The following CMTM8 variants were observed in gnomAD, a reference collection of about 807,000 sequenced individuals.
CMTM8 encodes CKLF-like MARVEL transmembrane domain-containing protein 8.
In CMTM8, 12 loss-of-function variants were observed where a neutral mutation model predicts 18.6. The observed-to-expected ratio is 0.65, with a 90% confidence interval of 0.41 to 1.05. The LOEUF (loss-of-function observed/expected upper bound fraction) is 1.05. Among genes scored for constraint, CMTM8 ranks in the 50% least tolerant of loss-of-function variants. The pLI is 0.00. For missense variants in CMTM8, 217 were observed against 227.2 expected (o/e 0.95, Z 0.29); for synonymous variants, 87 against 90.6 (o/e 0.96, Z 0.23).
chr3:32,318,469 G>T (rs1163541474), intron 1 of CMTM8, among the ~76,000 whole-genome samples: 2 of 152,064 alleles, frequency 1.3e-5, no homozygotes, highest in Non-Finnish European at 2.9e-5. Flanking sequence ...TTAGGTCTCA[G>T]GAATGGCTGG....
chr3:32,274,628 C>G (rs1702489642), intron 1 of CMTM8, among the ~76,000 whole-genome samples: 1 of 152,222 alleles, frequency 6.6e-6, no homozygotes. Flanking sequence ...CAAAAGTATT[C>G]TCCTGCATAA....
At chr3:32,244,847 A>C (rs1168012365) in intron 1 of CMTM8, among the ~76,000 whole-genome samples, 1 of 152,198 alleles carries the variant, frequency 6.6e-6, no homozygotes, top group African/African-American at 2.4e-5. Flanking sequence ...TGTTGGGCTA[A>C]AGGGTATATA....
intron 1 of CMTM8, among the ~76,000 whole-genome samples, chr3:32,327,345 G>C (rs1696182529): frequency 6.6e-6 from 1 of 152,160 alleles, no homozygotes; most frequent in Non-Finnish European, 1.5e-5. Flanking sequence ...GCTCACCTAG[G>C]TTTAAAAATG....
intron 1 of CMTM8, among the ~76,000 whole-genome samples, chr3:32,326,903 A>G (rs1696170092): frequency 6.6e-6 from 1 of 152,116 alleles, no homozygotes; most frequent in South Asian, 2.1e-4. Context: ...GAATCTCTCA[A>G]CATGTCTTGA....
chr3:32,360,376 A>C (rs1477117157), intron 2 of CMTM8, among the ~76,000 whole-genome samples: 1 of 152,226 alleles, frequency 6.6e-6, no homozygotes, highest in Non-Finnish European at 1.5e-5. Context: ...TGCTGGCAGA[A>C]GCTACAGGTC....
intron 1 of CMTM8, among the ~76,000 whole-genome samples, chr3:32,327,565 AT>A (rs1167231008): frequency 1.3e-5 from 2 of 152,156 alleles, no homozygotes; most frequent in Non-Finnish European, 2.9e-5. Context: ...GCAAAATTGG[AT>A]TTTTCTCAGT....
At chr3:32,243,257 G>A (rs903274869) in intron 1 of CMTM8, among the ~76,000 whole-genome samples, 2 of 151,876 alleles carry the variant, frequency 1.3e-5, no homozygotes, top group South Asian at 2.1e-4. Context: ...TTGGTCAGGC[G>A]TGGTGGTTCA....
At chr3:32,306,454 G>T (rs2125566310) in intron 1 of CMTM8, among the ~76,000 whole-genome samples, 1 of 152,344 alleles carries the variant, frequency 6.6e-6, no homozygotes, top group Non-Finnish European at 1.5e-5. Context: ...CAAAGGGATG[G>T]TTATAGGGAG....
intron 1 of CMTM8, among the ~76,000 whole-genome samples, chr3:32,332,312 C>T (rs991450379): frequency 2.6e-5 from 4 of 152,180 alleles, no homozygotes; most frequent in African/African-American, 9.7e-5. Flanking sequence ...GGACAGTTAC[C>T]TCTGAGCATC....
At chr3:32,273,343 C>T (rs912620388) in intron 1 of CMTM8, among the ~76,000 whole-genome samples, 1 of 151,984 alleles carries the variant, frequency 6.6e-6, no homozygotes, top group Non-Finnish European at 1.5e-5. Flanking sequence ...CACACACACA[C>T]ACACATATAT....
rs561182944 is a variant in CMTM8 at position 32,299,131 on chromosome 3, G to A, written c.148-58242G>A. On this transcript the variant is annotated intron_variant, in intron 1 of 3. Transcript: ENST00000307526. ...CCCTCTTGGGATCACACCTCAAAGA[G>A]TCCTGACGTATTTTCATAGAAAACA... Among the ~76,000 whole-genome samples the A allele has an allele frequency of 4.1e-4, 62 of 151,162 alleles. 1 individual carries two copies. Among genetic ancestry groups the A allele is most frequent in the African/African-American group, 1.5e-3 (61 of 40,864 alleles).
rs887365406 is a variant in CMTM8, at chr3:32,291,965, T to G, written c.147+52846T>G. Among the ~76,000 whole-genome samples the G allele has an allele frequency of 3.3e-5, 5 of 152,182 alleles. No homozygotes were observed. In the East Asian group the frequency reaches 5.8e-4, roughly 18 times the overall value. ...TTGGTGATTGCATATAGGATGTAAA[T>G]ATTTTCTTGGAAGTTGAAAAAATAA... On this transcript the variant is annotated intron_variant, in intron 1 of 3. Transcript: ENST00000307526.
intron 1 of CMTM8, among the ~76,000 whole-genome samples, chr3:32,327,970 G>A (rs1171390005): frequency 2.6e-5 from 4 of 152,102 alleles, no homozygotes; most frequent in Non-Finnish European, 4.4e-5. Context: ...CAACATTTTG[G>A]GAGGCTGAGG....
rs1314833356 is a variant in CMTM8, at chr3:32,361,291, T to TTTTTTGTTTTTTGTTTTTTG, written c.321+3749_321+3750insTGTTTTTTGTTTTTTGTTTT. 1.6e-3 allele frequency among the ~76,000 whole-genome samples: 234 copies of TTTTTTGTTTTTTGTTTTTTG among 148,642 alleles called. 2 individuals carry two copies. Among genetic ancestry groups the TTTTTTGTTTTTTGTTTTTTG allele is most frequent in the East Asian group, 0.014 (72 of 5,124 alleles). ...CCACGGCGCCCAGCCTAAGAGTTTT[T>TTTTTTGTTTTTTGTTTTTTG]TTTTCTTTCAAATTTTGGAAAGGTA... is the stretch of plus-strand genomic sequence containing the variant. On this transcript the variant is annotated intron_variant, in intron 2 of 3. Coordinates refer to ENST00000307526, the MANE Select transcript of CMTM8 (RefSeq NM_178868.5).
chr3:32,322,910 G>A (rs1304769137), intron 1 of CMTM8, among the ~76,000 whole-genome samples: 1 of 152,176 alleles, frequency 6.6e-6, no homozygotes, highest in Non-Finnish European at 1.5e-5. Context: ...GAAGATCTTG[G>A]TTCCTGCTTC....
chr3:32,249,741 T>C (rs2125530506), intron 1 of CMTM8, among the ~76,000 whole-genome samples: 1 of 152,360 alleles, frequency 6.6e-6, no homozygotes, highest in South Asian at 2.1e-4. Context: ...TTGTCTTTTA[T>C]TGTTGAGTTG....
At chr3:32,322,755 G>A (rs1004122188) in intron 1 of CMTM8, among the ~76,000 whole-genome samples, 1 of 152,168 alleles carries the variant, frequency 6.6e-6, no homozygotes, top group African/African-American at 2.4e-5. Flanking sequence ...ACCTGAGACC[G>A]AGTTGCTGTA....
intron 2 of CMTM8, among the ~76,000 whole-genome samples, chr3:32,364,021 C>G (rs1039564469): frequency 6.6e-6 from 1 of 152,176 alleles, no homozygotes; most frequent in Non-Finnish European, 1.5e-5. Flanking sequence ...GTAATAGGGA[C>G]TAGAGAGCCA....
chr3:32,319,118 G>A (rs1242968533), intron 1 of CMTM8, among the ~76,000 whole-genome samples: 5 of 101,786 alleles, frequency 4.9e-5, no homozygotes, highest in East Asian at 3.4e-4. Context: ...CACTCTTGTC[G>A]CCCAGGCTGG....
Sources: gnomAD v4.1 joint callset for allele counts (sites outside exome capture counted in the v4.1 genomes callset) on GRCh38, gnomAD v4.1.1 for gene constraint, MANE v1.5 for transcripts, NCBI Gene and HGNC (gene_info 2026-07-23, HGNC 2026-07-21) for gene names.